PCSK5: variants seen among roughly 807,000 people sequenced by gnomAD.
PCSK5 encodes prohormone convertase 5.
Under a neutral mutation model 233.2 loss-of-function variants are expected in PCSK5, and 129 were observed. The observed-to-expected ratio is 0.55, with a 90% CI of 0.48 to 0.64. PCSK5 has a LOEUF of 0.64. PCSK5 is among the 30% of genes least tolerant of loss of function. The probability of loss-of-function intolerance (pLI) is 0.00; values close to 1 mark genes in which losing one functional copy is unlikely to be tolerated. For missense variants in PCSK5, 2,076 were observed against 2,430.1 expected, an observed-to-expected ratio of 0.85 and a Z score of 3.06; for synonymous variants, 825 against 879.2, an observed-to-expected ratio of 0.94 and a Z score of 1.09.
At chr9:76,024,466 T>G (rs1828333925) in intron 4 of PCSK5, among the ~76,000 whole-genome samples, 1 of 152,204 alleles carries the variant, frequency 6.6e-6, no homozygotes. Context: ...AACTTCAGGT[T>G]AGTCTCCTCC....
chr9:76,352,340 C>A (rs1175862254), intron 36 of PCSK5, among the ~76,000 whole-genome samples: 2 of 152,124 alleles, frequency 1.3e-5, no homozygotes, highest in Non-Finnish European at 2.9e-5. Flanking sequence ...TTGGCTGGCT[C>A]TTTACTGCAA....
intron 10 of PCSK5, among the ~76,000 whole-genome samples, chr9:76,137,827 C>A (rs993497182): frequency 6.6e-6 from 1 of 152,008 alleles, no homozygotes; most frequent in African/African-American, 2.4e-5. Context: ...ATTTGCAATG[C>A]CAGAAGGTGA....
intron 5 of PCSK5, among the ~76,000 whole-genome samples, chr9:76,066,313 C>T (rs1029014239): frequency 6.6e-6 from 1 of 151,964 alleles, no homozygotes; most frequent in Middle Eastern, 3.2e-3. Flanking sequence ...TTCTTTGATC[C>T]GTTTTTTATA....
At chr9:75,909,218 T>C (rs966336602) in intron 1 of PCSK5, among the ~76,000 whole-genome samples, 4 of 151,632 alleles carry the variant, frequency 2.6e-5, no homozygotes, top group African/African-American at 9.7e-5. Context: ...TCAGTTACTC[T>C]GGGAGGCTGA....
chr9:76,140,222 A>G (rs532331484), intron 10 of PCSK5, among the ~76,000 whole-genome samples: 11 of 152,226 alleles, frequency 7.2e-5, no homozygotes, highest in Admixed American at 6.6e-4. Context: ...TTATCTCTAT[A>G]CAAGATGTAA....
intron 9 of PCSK5, among the ~76,000 whole-genome samples, chr9:76,123,329 T>G (rs1272180623): frequency 6.6e-6 from 1 of 152,218 alleles, no homozygotes; most frequent in African/African-American, 2.4e-5. Context: ...GTATATGTTT[T>G]GTGCAGGGGA....
intron 3 of PCSK5, among the ~76,000 whole-genome samples, chr9:75,998,631 G>A (rs1275786820): frequency 2.0e-5 from 3 of 152,126 alleles, no homozygotes; most frequent in African/African-American, 7.2e-5. Flanking sequence ...TTCCAGGTTG[G>A]TGATCACATA....
At chr9:76,130,567 A>G (rs1822720520) in intron 9 of PCSK5, among the ~76,000 whole-genome samples, 2 of 152,334 alleles carry the variant, frequency 1.3e-5, no homozygotes, top group Admixed American at 1.3e-4. Context: ...TCATGCAACA[A>G]TCATGCACAT....
chr9:75,901,705 A>G (rs1587333334), intron 1 of PCSK5, among the ~76,000 whole-genome samples: 1 of 152,108 alleles, frequency 6.6e-6, no homozygotes, highest in African/African-American at 2.4e-5. Flanking sequence ...ATGTCTGGAT[A>G]CTTCAGTATT....
chr9:75,989,777 G>GTCT (rs745642586), intron 3 of PCSK5, among the ~76,000 whole-genome samples: 2 of 152,124 alleles, frequency 1.3e-5, no homozygotes, highest in Non-Finnish European at 2.9e-5. Context: ...AAGTAGTGAT[G>GTCT]TCTTTTATGA....
At chr9:76,290,147 T>C (rs1372529719) in intron 24 of PCSK5, among the ~76,000 whole-genome samples, 1 of 152,044 alleles carries the variant, frequency 6.6e-6, no homozygotes, top group African/African-American at 2.4e-5. Context: ...ATAAGCTGAG[T>C]GGTTGGAGGT....
chr9:76,163,325 G>T (rs565803033), intron 12 of PCSK5, among the ~76,000 whole-genome samples: 4 of 152,352 alleles, frequency 2.6e-5, no homozygotes, highest in South Asian at 4.1e-4. Flanking sequence ...TGGCTGACGG[G>T]CACTTGCCTG....
At chr9:75,920,554 C>T (rs1395682168) in intron 1 of PCSK5, among the ~76,000 whole-genome samples, 1 of 152,066 alleles carries the variant, frequency 6.6e-6, no homozygotes, top group Non-Finnish European at 1.5e-5. Flanking sequence ...CTTGTAGTCC[C>T]AGCACTTTGG....
At chr9:75,977,206 T>C (rs935062714) in intron 2 of PCSK5, among the ~76,000 whole-genome samples, 24 of 152,272 alleles carry the variant, frequency 1.6e-4, no homozygotes, top group Middle Eastern at 3.4e-3. Context: ...TAAACATACA[T>C]ACAATGAAAT....
intron 28 of PCSK5, among the ~76,000 whole-genome samples, chr9:76,307,920 G>A (rs768187875): frequency 2.0e-5 from 3 of 152,212 alleles, no homozygotes; most frequent in East Asian, 1.9e-4. Context: ...TCATCCGGCC[G>A]GGCGCGGTGG....
intron 27 of PCSK5, among the ~76,000 whole-genome samples, chr9:76,297,356 C>A (rs1348428146): frequency 6.6e-6 from 1 of 152,188 alleles, no homozygotes; most frequent in Non-Finnish European, 1.5e-5. Context: ...CAGACGGTCT[C>A]TATGGCTGCG....
At chr9:75,894,611 C>T (rs1408996465) in intron 1 of PCSK5, among the ~76,000 whole-genome samples, 2 of 152,134 alleles carry the variant, frequency 1.3e-5, no homozygotes, top group African/African-American at 4.8e-5. Flanking sequence ...GTCATGTTAG[C>T]ATATATTATC....
At chr9:76,322,232 G>A (rs1397186975) in intron 31 of PCSK5, among the ~76,000 whole-genome samples, 1 of 152,188 alleles carries the variant, frequency 6.6e-6, no homozygotes, top group East Asian at 1.9e-4. Context: ...TTACAAGCGT[G>A]AGGCACCACG....
chr9:76,011,777 T>C (rs963124400), intron 3 of PCSK5, among the ~76,000 whole-genome samples: 2 of 152,210 alleles, frequency 1.3e-5, no homozygotes, highest in African/African-American at 4.8e-5. Flanking sequence ...TGCCCTTCCA[T>C]GGCCAGAGTT....
Sources: gnomAD v4.1 joint callset for allele counts (sites outside exome capture counted in the v4.1 genomes callset) on GRCh38, gnomAD v4.1.1 for gene constraint, MANE v1.5 for transcripts, NCBI Gene and HGNC (gene_info 2026-07-23, HGNC 2026-07-21) for gene names.